CACHD1: variants seen among roughly 807,000 people sequenced by gnomAD.
CACHD1 encodes the protein VWFA and cache domain-containing protein 1.
A neutral mutation model predicts 138.7 loss-of-function variants in CACHD1; 71 were observed. The observed-to-expected ratio is 0.51, with a 90% CI of 0.42 to 0.62. The LOEUF (loss-of-function observed/expected upper bound fraction) is 0.62. CACHD1 is among the 20% of genes least tolerant of loss of function. The pLI is 0.00. For synonymous variants in CACHD1, 578 were observed against 591.5 expected (o/e 0.98, Z 0.33); for missense variants, 1,389 against 1,625.3 (o/e 0.85, Z 2.50).
chr1:64,623,490 A>G (rs938316012), intron 4 of CACHD1, among the ~76,000 whole-genome samples: 16 of 151,680 alleles, frequency 1.1e-4, no homozygotes, highest in Non-Finnish European at 1.2e-4. Context: ...CCTGTGTGCT[A>G]CAGATACCAA....
Position 64,663,703 on chromosome 1 carries a change from A to G in CACHD1, c.1960A>G (p.Thr654Ala). The G allele has an allele frequency of 6.2e-7, 1 of 1,614,040 alleles. No individual in the cohort carries two copies. ...FKQLATLESPTIMLSAGSFSS... is the reference protein window; with the variant it reads ...FKQLATLESPAIMLSAGSFSS... ...GTTTGCTTCTCTTTCAGAAAGTCCCACCATCATGCTGTCTGCTGGCAGCTT... is the reference window on the plus strand; with the variant it reads ...GTTTGCTTCTCTTTCAGAAAGTCCCGCCATCATGCTGTCTGCTGGCAGCTT... Residue 654 changes from threonine (T) to alanine (A), a missense_variant, in exon 14 of 27, where the codon ACC becomes GCC. Physicochemically the swap from Thr to Ala is moderately conservative, Grantham distance 58. Around this residue, in one of 5 missense-constraint regions of CACHD1, gnomAD observed 1,000 missense variants for 1,114.7 expected, o/e 0.90. Coordinates refer to ENST00000651257, the MANE Select transcript of CACHD1 (RefSeq NM_020925.4).
chr1:64,515,668 G>A (rs185015438), intron 1 of CACHD1, among the ~76,000 whole-genome samples: 4 of 152,290 alleles, frequency 2.6e-5, no homozygotes, highest in Admixed American at 2.0e-4. Context: ...GGGACTGCTT[G>A]TTAGCTCCCT....
At chr1:64,584,485 A>G (rs1483130747) in intron 3 of CACHD1, among the ~76,000 whole-genome samples, 1 of 152,188 alleles carries the variant, frequency 6.6e-6, no homozygotes, top group African/African-American at 2.4e-5. Flanking sequence ...GTGAATTTCT[A>G]TGAATGTTTC....
intron 2 of CACHD1, among the ~76,000 whole-genome samples, chr1:64,580,439 C>T (rs1227121897): frequency 1.3e-5 from 2 of 151,916 alleles, no homozygotes; most frequent in Admixed American, 6.6e-5. Context: ...TACCCCCGAA[C>T]CTAAAATAAA....
chr1:64,542,454 G>A (rs776637580), intron 1 of CACHD1, among the ~76,000 whole-genome samples: 35 of 152,170 alleles, frequency 2.3e-4, no homozygotes, highest in Middle Eastern at 3.4e-3. Flanking sequence ...TTTATAGTGA[G>A]CATCAAACAT....
rs976895496 is a variant in CACHD1, at chr1:64,536,313, A to G, written c.199-14281A>G. ...ATGTGGAGCCAGCAGCCAGAGTCCA[A>G]CTTCCTTGCTTCCAGAACCCATGCT... On this transcript the variant is annotated intron_variant, in intron 1 of 26. Coordinates refer to ENST00000651257, the MANE Select transcript of CACHD1 (RefSeq NM_020925.4). 9.9e-5 allele frequency among the ~76,000 whole-genome samples: 15 copies of G among 152,240 alleles called. 5 individuals carry two copies.
chr1:64,567,794 A>G (rs1264297432), intron 2 of CACHD1, among the ~76,000 whole-genome samples: 1 of 152,248 alleles, frequency 6.6e-6, no homozygotes, highest in East Asian at 1.9e-4. Flanking sequence ...ATCAGCTGAT[A>G]TAAGATAAAT....
chr1:64,509,181 G>C (rs1052184654), intron 1 of CACHD1, among the ~76,000 whole-genome samples: 1 of 152,120 alleles, frequency 6.6e-6, no homozygotes, highest in African/African-American at 2.4e-5. Context: ...TGTGAGGGTT[G>C]GGGCTGCTCA....
chr1:64,607,357 C>A (rs917177571), intron 4 of CACHD1, among the ~76,000 whole-genome samples: 1 of 152,148 alleles, frequency 6.6e-6, no homozygotes, highest in Non-Finnish European at 1.5e-5. Context: ...GTCCAGAAAA[C>A]CAGCCATATG....
chr1:64,645,466 T>C (rs1400394570), intron 8 of CACHD1, among the ~76,000 whole-genome samples: 3 of 152,026 alleles, frequency 2.0e-5, no homozygotes, highest in African/African-American at 7.3e-5. Flanking sequence ...ACACCTGCTA[T>C]GTACCCATAA....
intron 3 of CACHD1, among the ~76,000 whole-genome samples, chr1:64,586,314 T>G (rs1327766061): frequency 1.3e-5 from 2 of 152,206 alleles, no homozygotes; most frequent in African/African-American, 4.8e-5. Flanking sequence ...TCCACCCACC[T>G]TGGCCTCCCA....
intron 4 of CACHD1, among the ~76,000 whole-genome samples, chr1:64,625,586 C>T (rs1254009929): frequency 2.0e-5 from 3 of 151,218 alleles, no homozygotes; most frequent in African/African-American, 7.3e-5. Flanking sequence ...GAGATTGCAC[C>T]ACTGCACTCC....
At chr1:64,555,900 C>T (rs1463849302) in intron 2 of CACHD1, among the ~76,000 whole-genome samples, 6 of 152,162 alleles carry the variant, frequency 3.9e-5, no homozygotes, top group Non-Finnish European at 8.8e-5. Context: ...TGTTTTCTGT[C>T]ATTAGTTGAG....
intron 3 of CACHD1, among the ~76,000 whole-genome samples, chr1:64,591,948 C>T (rs1289183397): frequency 6.6e-6 from 1 of 152,122 alleles, no homozygotes; most frequent in Non-Finnish European, 1.5e-5. Context: ...AATAGGTCCT[C>T]GATAAATATT....
chr1:64,517,164 ATAT>A (rs568266990), intron 1 of CACHD1, among the ~76,000 whole-genome samples: 60 of 152,330 alleles, frequency 3.9e-4, no homozygotes, highest in African/African-American at 1.4e-3. Flanking sequence ...TATTCAACAA[ATAT>A]TATTCATTAC....
At chr1:64,506,126 T>G (rs564500875) in intron 1 of CACHD1, 1 of 152,330 alleles carries the variant, frequency 6.6e-6, no homozygotes, top group East Asian at 1.9e-4. Context: ...GCACGCCTTC[T>G]TAAGTGCCAG....
intron 2 of CACHD1, among the ~76,000 whole-genome samples, chr1:64,564,773 G>A (rs577969443): frequency 7.2e-5 from 11 of 152,058 alleles, no homozygotes; most frequent in Non-Finnish European, 1.3e-4. Flanking sequence ...TTTAATAGAA[G>A]CAAAACTAAT....
At chr1:64,491,468 A>G (rs996794555) in intron 1 of CACHD1, among the ~76,000 whole-genome samples, 2 of 152,154 alleles carry the variant, frequency 1.3e-5, no homozygotes, top group African/African-American at 4.8e-5. Flanking sequence ...GGCAGGAGAG[A>G]GAAAGAAGAG....
At chr1:64,530,200 C>T (rs1456003962) in intron 1 of CACHD1, among the ~76,000 whole-genome samples, 1 of 152,168 alleles carries the variant, frequency 6.6e-6, no homozygotes, top group Admixed American at 6.5e-5. Flanking sequence ...GTGCTGATTC[C>T]TGATGCTTGA....
Sources: allele counts gnomAD v4.1 joint callset (sites outside exome capture counted in the v4.1 genomes callset), GRCh38; gene constraint gnomAD v4.1.1; regional missense constraint gnomAD v4.1.1; transcripts MANE v1.5; gene names NCBI Gene and HGNC (gene_info 2026-07-23, HGNC 2026-07-21).